Variants in RABGAP1L observed in about 807,000 individuals in gnomAD.
RABGAP1L encodes the protein RAB GTPase activating protein 1 like.
A neutral mutation model predicts 137.7 loss-of-function variants in RABGAP1L; 63 were observed. The ratio of observed to expected loss-of-function variants is 0.46; its 90% CI spans 0.37 to 0.56. The LOEUF (loss-of-function observed/expected upper bound fraction) is 0.56, where lower values mean the gene tolerates loss of function less well. Among genes scored for constraint, RABGAP1L ranks in the 20% least tolerant of loss-of-function variants. The probability of loss-of-function intolerance (pLI) is 0.00; values close to 1 mark genes in which losing one functional copy is unlikely to be tolerated. For synonymous variants in RABGAP1L, 431 were observed against 433.7 expected (o/e 0.99, Z 0.08); for missense variants, 1,095 against 1,244.0 (o/e 0.88, Z 1.80).
intron 5 of RABGAP1L, among the ~76,000 whole-genome samples, chr1:174,248,427 T>C (rs1278554862): frequency 6.6e-6 from 1 of 152,214 alleles, no homozygotes; most frequent in African/African-American, 2.4e-5. Context: ...TTTTAATTTT[T>C]ACTCATATAA....
At chr1:174,712,445 G>T (rs905465643) in intron 17 of RABGAP1L, among the ~76,000 whole-genome samples, 2 of 152,120 alleles carry the variant, frequency 1.3e-5, no homozygotes, top group African/African-American at 4.8e-5. Context: ...AACACTCACC[G>T]CGAAGGTCTG....
chr1:174,970,535 G>T (rs1030882411), intron 21 of RABGAP1L, among the ~76,000 whole-genome samples: 1 of 152,164 alleles, frequency 6.6e-6, no homozygotes, highest in Non-Finnish European at 1.5e-5. Context: ...ACGTTAAAAG[G>T]TTTAAGCAAT....
At chr1:174,698,453 A>G (rs1572846532) in intron 15 of RABGAP1L, among the ~76,000 whole-genome samples, 1 of 152,142 alleles carries the variant, frequency 6.6e-6, no homozygotes, top group African/African-American at 2.4e-5. Flanking sequence ...GTCTCACGCT[A>G]TTTACCAAAA....
At chr1:174,270,009 A>G (rs935004453) in intron 7 of RABGAP1L, among the ~76,000 whole-genome samples, 1 of 152,228 alleles carries the variant, frequency 6.6e-6, no homozygotes, top group Non-Finnish European at 1.5e-5. Context: ...GCTGGCCTCC[A>G]TAGGAATCCT....
At chr1:174,932,490 T>C (rs576022351) in intron 19 of RABGAP1L, among the ~76,000 whole-genome samples, 1 of 152,242 alleles carries the variant, frequency 6.6e-6, no homozygotes, top group South Asian at 2.1e-4. Flanking sequence ...ATGCTGTTTT[T>C]CTCATCCCAT....
intron 19 of RABGAP1L, chr1:174,874,589 T>G: frequency 1.7e-5 from 13 of 755,322 alleles, no homozygotes; most frequent in African/African-American, 9.7e-5. Flanking sequence ...TTTTTTTTTT[T>G]TTTTTTTTTT....
intron 17 of RABGAP1L, among the ~76,000 whole-genome samples, chr1:174,714,349 A>G (rs950883871): frequency 2.6e-5 from 4 of 151,986 alleles, no homozygotes; most frequent in African/African-American, 9.7e-5. Context: ...CTTACTTTGT[A>G]TTGCTTTTAA....
intron 18 of RABGAP1L, among the ~76,000 whole-genome samples, chr1:174,768,183 C>T (rs973397324): frequency 6.6e-6 from 1 of 152,190 alleles, no homozygotes; most frequent in African/African-American, 2.4e-5. Flanking sequence ...CCTAATTCCT[C>T]TGACTAAAAC....
intron 19 of RABGAP1L, among the ~76,000 whole-genome samples, chr1:174,838,071 C>T (rs1234483314): frequency 6.6e-6 from 1 of 152,184 alleles, no homozygotes; most frequent in Non-Finnish European, 1.5e-5. Context: ...AAGTTTCTAG[C>T]TGGCCAGGCT....
chr1:174,904,291 A>G (rs2149170168), intron 19 of RABGAP1L, among the ~76,000 whole-genome samples: 1 of 152,182 alleles, frequency 6.6e-6, no homozygotes, highest in South Asian at 2.1e-4. Context: ...GGATCACTTG[A>G]GCCTGGGGGT....
chr1:174,384,942 A>C (rs75455128), intron 12 of RABGAP1L, among the ~76,000 whole-genome samples: 11,145 of 152,302 alleles, frequency 0.073, 608 homozygotes, highest in East Asian at 0.32. Context: ...ATTCTCTATT[A>C]GGTTATACAT....
chr1:174,957,415 A>T, intron 19 of RABGAP1L, 42 bp from the exon 20 acceptor site: 1 of 1,501,340 alleles, frequency 6.7e-7, no homozygotes, highest in Admixed American at 1.7e-5. Context: ...TTTTTCATAA[A>T]TGGTGTCCTT....
At chr1:174,259,132 C>T (rs955863335) in intron 7 of RABGAP1L, among the ~76,000 whole-genome samples, 1 of 151,896 alleles carries the variant, frequency 6.6e-6, no homozygotes, top group Non-Finnish European at 1.5e-5. Context: ...TGAAAGAAGC[C>T]ATTTCTGTGT....
chr1:174,299,006 A>C (rs1042139881), intron 10 of RABGAP1L, among the ~76,000 whole-genome samples: 4 of 152,240 alleles, frequency 2.6e-5, no homozygotes, highest in African/African-American at 9.6e-5. Context: ...TTTAATGGCA[A>C]ATATAAGTTT....
chr1:174,225,371 A>G (rs950750295), intron 3 of RABGAP1L, among the ~76,000 whole-genome samples: 13 of 151,098 alleles, frequency 8.6e-5, no homozygotes, highest in African/African-American at 2.7e-4. Flanking sequence ...TGGTCTGTGG[A>G]TTATTTTTTC....
intron 13 of RABGAP1L, among the ~76,000 whole-genome samples, chr1:174,552,833 C>G (rs1366692612): frequency 1.3e-5 from 2 of 152,186 alleles, no homozygotes; most frequent in Non-Finnish European, 2.9e-5. Flanking sequence ...CTAATTTACA[C>G]TCCCATCAAC....
chr1:174,959,175 A>T (rs960901587), intron 20 of RABGAP1L, among the ~76,000 whole-genome samples: 1 of 152,236 alleles, frequency 6.6e-6, no homozygotes, highest in Non-Finnish European at 1.5e-5. Flanking sequence ...TAATGTTTGA[A>T]GCTAATTTTC....
chr1:174,377,759 CTT>C (rs1553287117), intron 12 of RABGAP1L, among the ~76,000 whole-genome samples: 2 of 141,858 alleles, frequency 1.4e-5, no homozygotes, highest in South Asian at 2.2e-4. Context: ...AACTGCAACT[CTT>C]TTTTTTTTTT....
chr1:174,958,133 A>G, intron 20 of RABGAP1L: 1 of 1,493,826 alleles, frequency 6.7e-7, no homozygotes, highest in African/African-American at 1.4e-5. Context: ...AAAATGTTAA[A>G]AATACCAACT....
Sources: gnomAD v4.1 joint callset for allele counts (sites outside exome capture counted in the v4.1 genomes callset) on GRCh38, gnomAD v4.1.1 for gene constraint, MANE v1.5 for transcripts, NCBI Gene and HGNC (gene_info 2026-07-23, HGNC 2026-07-21) for gene names.